The following OTUD7B variants were observed in gnomAD, a reference collection of about 807,000 sequenced individuals.
OTUD7B encodes OTU deubiquitinase 7B.
Under a neutral mutation model 82.2 loss-of-function variants are expected in OTUD7B, and 34 were observed. The observed-to-expected ratio is 0.41, with a 90% CI of 0.31 to 0.55. The LOEUF (loss-of-function observed/expected upper bound fraction) is 0.55, where lower values mean the gene tolerates loss of function less well. OTUD7B is among the 20% of genes least tolerant of loss of function. The pLI is 0.20. For synonymous variants in OTUD7B, 398 were observed against 402.7 expected, an observed-to-expected ratio of 0.99 and a Z score of 0.14; for missense variants, 944 against 1,062.1, an observed-to-expected ratio of 0.89 and a Z score of 1.55.
At chr1:150,029,186 ATATATTTATCTATACAGT>A in the OTUD7B span, among the ~76,000 whole-genome samples, 6 of 152,316 alleles carry the variant, frequency 3.9e-5, no homozygotes, top group African/African-American at 7.2e-5. Context: ...ACCAGAGAGA[ATATATTTATCTATACAGT>A]TAATTAGATG....
At chr1:149,967,254 G>A (rs782481329) in intron 4 of OTUD7B, 40 bp downstream of exon 4, 2 of 1,415,654 alleles carry the variant, frequency 1.4e-6, no homozygotes, top group Non-Finnish European at 2.0e-6. Flanking sequence ...TGTAGGTGGA[G>A]AGTAGAGGGA....
At chr1:150,067,242 C>A in the OTUD7B span, 2 of 152,276 alleles carry the variant, frequency 1.3e-5, no homozygotes, top group Admixed American at 1.3e-4. Flanking sequence ...AGGGCCTCTG[C>A]AGCCTCAACA....
rs370899293 is a variant in OTUD7B, at chr1:149,948,983, A to G, written c.1224T>C (p.Asn408=). ...GCCTGGCTTACCTGGCCAATCGGAC[A>G]TTGTCACTATCATCTTTGCCCCACT... is the stretch of plus-strand genomic sequence containing the variant. The part of the protein sequence containing the change: ...GWEWGKDDSD[N]VRLASVILSL... The change falls in exon 10 of 12, where the codon AAT becomes AAC. Residue 408 remains asparagine, a synonymous_variant. Transcript: ENST00000581312. 1.2e-6 allele frequency: 2 copies of G among 1,611,386 alleles called. No individual in the cohort carries two copies. Among genetic ancestry groups the G allele is most frequent in the Non-Finnish European group, 1.7e-6 (2 of 1,177,522 alleles).
intron 1 of OTUD7B, among the ~76,000 whole-genome samples, chr1:150,008,936 G>A (rs1335959042): frequency 3.3e-5 from 5 of 152,172 alleles, no homozygotes; most frequent in African/African-American, 1.2e-4. Flanking sequence ...TGGGTCAATA[G>A]TGGAAATTAG....
intron 10 of OTUD7B, 75 bp from the exon 11 acceptor site, chr1:149,947,410 T>C (rs1647839084): frequency 1.7e-5 from 15 of 857,938 alleles, no homozygotes. Context: ...GGAGAAAGGG[T>C]GGGAGAGGGC....
At position 149,944,431 on chromosome 1, in the gene OTUD7B, A is replaced by G. The variant is rs781909781; in HGVS notation, c.1958T>C (p.Met653Thr). 6.2e-7 allele frequency: 1 copy of G among 1,614,028 alleles called. No homozygotes were observed. The highest frequency in any genetic ancestry group is 1.1e-5 in the South Asian group (1 of 91,066). Residue 653 changes from methionine (M) to threonine (T), a missense_variant, in exon 12 of 12, where the codon ATG becomes ACG. Met to Thr is a moderately conservative substitution (Grantham distance 81, BLOSUM62 -1). Coordinates refer to ENST00000581312, the MANE Select transcript of OTUD7B (RefSeq NM_020205.4). Reference sequence around the variant, plus strand: ...AGGGCCACCCCCTATTCCTCCATTCATGATCTTCCTCTCTGCCTCCTTCTG... The same window carrying G: ...AGGGCCACCCCCTATTCCTCCATTCGTGATCTTCCTCTCTGCCTCCTTCTG... Reference protein sequence around the residue: ...QKQKEAERKIMNGGIGGGPPP... With the variant: ...QKQKEAERKITNGGIGGGPPP...
At chr1:150,027,983 T>C in the OTUD7B span, among the ~76,000 whole-genome samples, 1 of 152,194 alleles carries the variant, frequency 6.6e-6, no homozygotes, top group Non-Finnish European at 1.5e-5. Context: ...CAAAATAACA[T>C]ATCACTATCT....
At chr1:150,058,642 T>C in the OTUD7B span, among the ~76,000 whole-genome samples, 5 of 152,232 alleles carry the variant, frequency 3.3e-5, no homozygotes, top group Admixed American at 2.0e-4. Context: ...GATCCACACT[T>C]GATGAATCCC....
intron 1 of OTUD7B, among the ~76,000 whole-genome samples, chr1:150,004,490 G>A (rs1249392680): frequency 6.6e-6 from 1 of 151,916 alleles, no homozygotes; most frequent in Non-Finnish European, 1.5e-5. Flanking sequence ...AACCCAGGAG[G>A]CGGAGGTTGC....
the OTUD7B span, among the ~76,000 whole-genome samples, chr1:150,038,923 G>A: frequency 5.3e-5 from 8 of 151,928 alleles, no homozygotes; most frequent in Non-Finnish European, 7.4e-5. Flanking sequence ...CCTTTATTTA[G>A]TGTCCAAATA....
chr1:150,060,553 C>T, the OTUD7B span, among the ~76,000 whole-genome samples: 1 of 152,130 alleles, frequency 6.6e-6, no homozygotes, highest in African/African-American at 2.4e-5. Flanking sequence ...GGGGGTACTT[C>T]GTTATTGCAG....
chr1:149,970,798 T>A (rs180954468), intron 3 of OTUD7B, among the ~76,000 whole-genome samples: 1 of 152,294 alleles, frequency 6.6e-6, no homozygotes, highest in East Asian at 1.9e-4. Context: ...GTGAACTTTA[T>A]ATCAACAAGG....
the OTUD7B span, among the ~76,000 whole-genome samples, chr1:150,045,653 A>G: frequency 6.6e-6 from 1 of 152,168 alleles, no homozygotes. Context: ...GCTTTCTTGT[A>G]ACTTATGGCC....
intron 3 of OTUD7B, among the ~76,000 whole-genome samples, chr1:149,969,410 C>T (rs1571651476): frequency 6.6e-6 from 1 of 152,254 alleles, no homozygotes; most frequent in Non-Finnish European, 1.5e-5. Flanking sequence ...TCTTATCATT[C>T]AAAATTCCTG....
At chr1:149,964,609 T>C (rs1417569763) in intron 5 of OTUD7B, among the ~76,000 whole-genome samples, 1 of 152,146 alleles carries the variant, frequency 6.6e-6, no homozygotes, top group Admixed American at 6.6e-5. Context: ...GGTTGGTTTT[T>C]TTGAGACAGA....
At chr1:149,965,045 A>G (rs1553776248) in intron 5 of OTUD7B, among the ~76,000 whole-genome samples, 1 of 150,088 alleles carries the variant, frequency 6.7e-6, no homozygotes, top group Admixed American at 6.6e-5. Context: ...GGCATCTGCC[A>G]CCATGCCCAG....
At chr1:150,065,849 G>GTTTCTTTTTTTTTTT in the OTUD7B span, among the ~76,000 whole-genome samples, 7 of 151,528 alleles carry the variant, frequency 4.6e-5, no homozygotes, top group African/African-American at 1.7e-4. Context: ...TGTTCAAAAT[G>GTTTCTTTTTTTTTTT]TTTATGTTCC....
At chr1:149,965,735 T>C (rs368671047) in intron 5 of OTUD7B, 42 bp downstream of exon 5, 89 of 1,407,884 alleles carry the variant, frequency 6.3e-5, no homozygotes, top group Non-Finnish European at 8.6e-5. Context: ...ACTCAACTGC[T>C]TCCTTTCTGC....
chr1:149,979,308 T>C (rs11580366), intron 1 of OTUD7B, among the ~76,000 whole-genome samples: 1,534 of 152,172 alleles, frequency 0.01, 12 homozygotes, highest in Non-Finnish European at 0.017. Context: ...TTTTAAAAAC[T>C]CTCCTTTCCA....
Sources: allele counts gnomAD v4.1 joint callset (sites outside exome capture counted in the v4.1 genomes callset), GRCh38; gene constraint gnomAD v4.1.1; transcripts MANE v1.5; gene names NCBI Gene and HGNC (gene_info 2026-07-23, HGNC 2026-07-21).